OXR1: variants seen among roughly 807,000 people sequenced by gnomAD.
The protein encoded by OXR1 is oxidation resistance protein 1.
In OXR1, 41 loss-of-function variants were observed where a neutral mutation model predicts 104.6. The ratio of observed to expected loss-of-function variants is 0.39; its 90% CI spans 0.31 to 0.51. The LOEUF is 0.51. Ranked by LOEUF, OXR1 falls within the 20% of genes least tolerant of loss-of-function variation. The pLI, the probability that OXR1 is intolerant of heterozygous loss-of-function variation, is 0.77. For synonymous variants in OXR1, 348 were observed against 348.4 expected (o/e 1.00, Z 0.01); for missense variants, 955 against 1,031.9 (o/e 0.93, Z 1.02).
intron 3 of OXR1, among the ~76,000 whole-genome samples, chr8:106,614,126 A>G (rs1252738547): frequency 6.6e-6 from 1 of 152,250 alleles, no homozygotes; most frequent in East Asian, 1.9e-4. Flanking sequence ...ATTCACATCT[A>G]TAATTAGGAA....
At chr8:106,582,800 T>C (rs539090715) in intron 3 of OXR1, among the ~76,000 whole-genome samples, 1 of 152,250 alleles carries the variant, frequency 6.6e-6, no homozygotes, top group Non-Finnish European at 1.5e-5. Flanking sequence ...ATAATAAGAC[T>C]TTGGAGAAGC....
chr8:106,745,013 A>G (rs1205159292), intron 15 of OXR1, among the ~76,000 whole-genome samples: 2 of 152,174 alleles, frequency 1.3e-5, no homozygotes, highest in African/African-American at 4.8e-5. Flanking sequence ...AGTGGTGCCT[A>G]TTCTCAAACT....
intron 2 of OXR1, among the ~76,000 whole-genome samples, chr8:106,485,078 A>G (rs577491676): frequency 2.6e-5 from 4 of 152,156 alleles, no homozygotes; most frequent in Middle Eastern, 6.8e-3. Flanking sequence ...TGAAAAGACT[A>G]CCTACTGTAT....
At chr8:106,549,982 G>A (rs554910790) in intron 3 of OXR1, among the ~76,000 whole-genome samples, 1 of 152,298 alleles carries the variant, frequency 6.6e-6, no homozygotes, top group East Asian at 1.9e-4. Flanking sequence ...CTTAGTGTCT[G>A]CCTGGCATTG....
At position 106,371,362 on chromosome 8, in the gene OXR1, GA is replaced by G. The variant is rs372414024; in HGVS notation, c.23+11727del. 6.6e-5 allele frequency among the ~76,000 whole-genome samples: 10 copies of G among 151,652 alleles called. No homozygotes were observed. The East Asian group carries it at 1.2e-3, about 18-fold the overall frequency. Reference sequence around the variant, plus strand: ...AAAAAAAGCAGCTTCTGGATTCATTGATTTTTTTGGAGGGTTTTTTTGTGTC... The same window carrying G: ...AAAAAAAGCAGCTTCTGGATTCATTGTTTTTTTGGAGGGTTTTTTTGTGTC... On this transcript the variant is annotated intron_variant, in intron 2 of 16. Transcript: ENST00000517566.
intron 11 of OXR1, among the ~76,000 whole-genome samples, chr8:106,717,756 A>G (rs1832410568): frequency 6.6e-6 from 1 of 152,216 alleles, no homozygotes; most frequent in Admixed American, 6.5e-5. Flanking sequence ...AAATTAAGGT[A>G]TAAAGCTTCT....
intron 7 of OXR1, among the ~76,000 whole-genome samples, chr8:106,698,219 T>C (rs1410734716): frequency 9.2e-5 from 14 of 152,236 alleles, no homozygotes; most frequent in East Asian, 1.9e-4. Flanking sequence ...AAAAATTTAC[T>C]CCATTGTTTT....
intron 3 of OXR1, among the ~76,000 whole-genome samples, chr8:106,554,241 TTC>T (rs1176818343): frequency 1.3e-5 from 2 of 152,212 alleles, no homozygotes; most frequent in Non-Finnish European, 1.5e-5. Context: ...TGCAGTATCC[TTC>T]TCAAAAGTGC....
chr8:106,401,708 C>T (rs1315398784), intron 2 of OXR1, among the ~76,000 whole-genome samples: 2 of 152,112 alleles, frequency 1.3e-5, no homozygotes, highest in Non-Finnish European at 2.9e-5. Context: ...TCACAGCATG[C>T]CCCCACACCA....
At chr8:106,452,057 A>G (rs73699503) in intron 2 of OXR1, among the ~76,000 whole-genome samples, 189 of 152,310 alleles carry the variant, frequency 1.2e-3, no homozygotes, top group African/African-American at 4.3e-3. Context: ...GACATATTGT[A>G]TGCAGGACAC....
At chr8:106,275,537 A>C (rs1812003137) in intron 1 of OXR1, among the ~76,000 whole-genome samples, 1 of 152,238 alleles carries the variant, frequency 6.6e-6, no homozygotes, top group African/African-American at 2.4e-5. Context: ...ATTAATATAA[A>C]GACTACAGAA....
At chr8:106,329,514 AT>A (rs1386444541) in intron 1 of OXR1, among the ~76,000 whole-genome samples, 9 of 151,496 alleles carry the variant, frequency 5.9e-5, no homozygotes, top group Admixed American at 5.9e-4. Flanking sequence ...CGCCTGGCTA[AT>A]TTTTTGTATT....
At chr8:106,337,901 C>T (rs1173327880) in intron 1 of OXR1, among the ~76,000 whole-genome samples, 1 of 152,014 alleles carries the variant, frequency 6.6e-6, no homozygotes, top group Admixed American at 6.6e-5. Flanking sequence ...ATTATAATAG[C>T]TACTTAAAAC....
intron 3 of OXR1, 111 bp from the exon 4 acceptor site, chr8:106,679,099 A>G: frequency 3.6e-6 from 2 of 557,850 alleles, no homozygotes; most frequent in Non-Finnish European, 6.4e-6. Flanking sequence ...CCAGGGAGTA[A>G]GCTGTATTAC....
chr8:106,385,405 A>G (rs1025194519), intron 2 of OXR1, among the ~76,000 whole-genome samples: 1 of 152,208 alleles, frequency 6.6e-6, no homozygotes, highest in African/African-American at 2.4e-5. Flanking sequence ...TCTTGTAAAG[A>G]TGCACCCAGA....
chr8:106,415,579 G>GAGAGAGAGAC lies in OXR1; in HGVS notation c.23+55950_23+55951insGACAGAGAGA, dbSNP rs1554571059. On this transcript the variant is annotated intron_variant, in intron 2 of 16. Transcript: ENST00000517566. ...AGACTGAGAGTGAGACTGAGAGAGA[G>GAGAGAGAGAC]AGAGAGACAGAGAGACAGAGAGGGA... Among the ~76,000 whole-genome samples, 343 of 150,576 alleles carry GAGAGAGAGAC rather than the reference G, an allele frequency of 2.3e-3. 2 individuals carry two copies. The highest frequency in any genetic ancestry group is 7.5e-3 in the African/African-American group (308 of 40,898).
chr8:106,483,886 T>C (rs1251631855), intron 2 of OXR1, among the ~76,000 whole-genome samples: 2 of 152,034 alleles, frequency 1.3e-5, no homozygotes, highest in Non-Finnish European at 2.9e-5. Context: ...TATCCTAGAC[T>C]CAAATAAAAT....
chr8:106,394,802 G>C (rs756912344), intron 2 of OXR1, among the ~76,000 whole-genome samples: 8 of 151,972 alleles, frequency 5.3e-5, no homozygotes, highest in Non-Finnish European at 7.4e-5. Flanking sequence ...TGGTGTAATG[G>C]GACTGTTTCA....
chr8:106,611,970 G>A (rs768585652), intron 3 of OXR1, among the ~76,000 whole-genome samples: 11 of 151,096 alleles, frequency 7.3e-5, no homozygotes, highest in Admixed American at 2.0e-4. Context: ...TCTGTTTTTC[G>A]TGAGAACTGC....
Sources: gnomAD v4.1 joint callset for allele counts (sites outside exome capture counted in the v4.1 genomes callset) on GRCh38, gnomAD v4.1.1 for gene constraint, MANE v1.5 for transcripts, NCBI Gene and HGNC (gene_info 2026-07-23, HGNC 2026-07-21) for gene names.